Variants in ST7L observed in about 807,000 individuals in gnomAD.
ST7L encodes the protein suppressor of tumorigenicity 7 protein-like.
Under a neutral mutation model 72.5 loss-of-function variants are expected in ST7L, and 57 were observed. That is an observed-to-expected ratio of 0.79 (90% CI 0.64 to 0.98). The LOEUF is 0.98. Ranked by LOEUF, ST7L falls within the 50% of genes least tolerant of loss-of-function variation. The pLI, the probability that ST7L is intolerant of heterozygous loss-of-function variation, is 0.00. For synonymous variants in ST7L, 221 were observed against 240.9 expected (o/e 0.92, Z 0.77); for missense variants, 576 against 672.2 (o/e 0.86, Z 1.58).
intron 14 of ST7L, chr1:112,528,388 G>T (rs969799597): frequency 2.0e-5 from 3 of 152,088 alleles, no homozygotes; most frequent in Non-Finnish European, 4.4e-5. Flanking sequence ...ACTGTCAAAT[G>T]GTTCAGCATC....
At chr1:112,540,262 A>G in intron 14 of ST7L, 1 of 985,272 alleles carries the variant, frequency 1.0e-6, no homozygotes. Context: ...CATCTCTCCC[A>G]TTGCTTGCCT....
At chr1:112,592,001 A>G (rs1665789127) in intron 5 of ST7L, among the ~76,000 whole-genome samples, 2 of 152,112 alleles carry the variant, frequency 1.3e-5, no homozygotes, top group East Asian at 1.9e-4. Flanking sequence ...AAAAATAAAA[A>G]TATACAAAAA....
At chr1:112,599,041 CAG>C (rs1169888841) in intron 4 of ST7L, among the ~76,000 whole-genome samples, 3 of 106,560 alleles carry the variant, frequency 2.8e-5, no homozygotes, top group African/African-American at 7.3e-5. Flanking sequence ...GCCTGGATGA[CAG>C]AGAGAGACTC....
intron 4 of ST7L, among the ~76,000 whole-genome samples, chr1:112,599,103 T>C (rs1388596213): frequency 2.5e-4 from 20 of 81,298 alleles, no homozygotes; most frequent in Non-Finnish European, 2.6e-4. Context: ...TATATATATA[T>C]ATATATATGT....
chr1:112,617,906 C>A, intron 1 of ST7L: 2 of 1,002,386 alleles, frequency 2.0e-6, no homozygotes. Flanking sequence ...ACAGAGATGC[C>A]AAATTAGCTC....
intron 12 of ST7L, among the ~76,000 whole-genome samples, chr1:112,555,039 G>T (rs1308995560): frequency 6.6e-6 from 1 of 152,116 alleles, no homozygotes; most frequent in Non-Finnish European, 1.5e-5. Context: ...TAATGAAAAA[G>T]TTCTGTAGAT....
chr1:112,616,975 G>T, intron 1 of ST7L, 80 bp from the exon 2 acceptor site: 3 of 935,986 alleles, frequency 3.2e-6, no homozygotes, highest in Non-Finnish European at 5.0e-6. Context: ...GTATCTTTAT[G>T]AGTGGTGGGA....
chr1:112,521,278 T>A (rs146289905), downstream of ST7L: 21 of 151,798 alleles, frequency 1.4e-4, no homozygotes, highest in African/African-American at 5.1e-4. Context: ...TAGGATAGAT[T>A]AATGTAGTAA....
chr1:112,538,264 G>A (rs1295237737), intron 14 of ST7L, among the ~76,000 whole-genome samples: 2 of 152,168 alleles, frequency 1.3e-5, no homozygotes, highest in African/African-American at 4.8e-5. Flanking sequence ...TGTTCTACAA[G>A]GTAGTTTGCC....
intron 11 of ST7L, among the ~76,000 whole-genome samples, chr1:112,558,840 C>A (rs756118789): frequency 6.6e-6 from 1 of 152,104 alleles, no homozygotes; most frequent in African/African-American, 2.4e-5. Flanking sequence ...AAAGATCACT[C>A]GCACCAGGCG....
chr1:112,557,049 TATTA>T (rs2101618930), intron 11 of ST7L, among the ~76,000 whole-genome samples: 1 of 142,256 alleles, frequency 7.0e-6, no homozygotes, highest in South Asian at 2.3e-4. Context: ...CAGATAGAGG[TATTA>T]ATTTTTTTAA....
At chr1:112,613,331 C>T (rs569950792) in intron 2 of ST7L, among the ~76,000 whole-genome samples, 1 of 152,256 alleles carries the variant, frequency 6.6e-6, no homozygotes, top group South Asian at 2.1e-4. Context: ...TATGCCAATC[C>T]TTGACATGCA....
Position 112,619,050 on chromosome 1 carries a change from C to T in ST7L, c.64G>A (p.Gly22Ser). 6.2e-7 allele frequency: 1 copy of T among 1,613,972 alleles called. No homozygotes were observed. The highest frequency in any genetic ancestry group is 8.5e-7 in the Non-Finnish European group (1 of 1,179,996). ...CTCCAGCCTAGCGTCGGGTTTAGGC[C>T]AGGGACAGATGCAGGAGACGCTCCA... Reference protein sequence around the residue: ...AVGASPASVPGLNPTLGWRER... With the variant: ...AVGASPASVPSLNPTLGWRER... The change falls in exon 1 of 15, where the codon GGC (glycine) becomes AGC (serine). Residue 22 changes from glycine to serine, a missense_variant. By Grantham distance (56) the Gly-to-Ser change is moderately conservative (BLOSUM62 0). Around this residue, in one of 3 missense-constraint regions of ST7L, gnomAD observed 56 missense variants for 45.8 expected, o/e 1.22. Coordinates refer to ENST00000358039, the MANE Select transcript of ST7L (RefSeq NM_017744.5).
intron 6 of ST7L, among the ~76,000 whole-genome samples, chr1:112,587,823 T>C (rs912660915): frequency 6.6e-6 from 1 of 152,232 alleles, no homozygotes; most frequent in African/African-American, 2.4e-5. Context: ...GTATGAATTA[T>C]AGGATCGCCT....
intron 2 of ST7L, among the ~76,000 whole-genome samples, chr1:112,612,259 A>G (rs922349090): frequency 1.3e-5 from 2 of 151,976 alleles, no homozygotes; most frequent in African/African-American, 4.8e-5. Context: ...CACCATGCCC[A>G]GCTAATTTTT....
chr1:112,611,913 T>C (rs1669113717), intron 2 of ST7L, among the ~76,000 whole-genome samples: 1 of 135,642 alleles, frequency 7.4e-6, no homozygotes, highest in African/African-American at 2.8e-5. Context: ...AAGGCTGCAG[T>C]GAGCTGAGAT....
chr1:112,618,804 C>T, intron 1 of ST7L, 105 bp downstream of exon 1: 2 of 1,477,176 alleles, frequency 1.4e-6, no homozygotes, highest in Non-Finnish European at 1.8e-6. Context: ...ATCATCGACT[C>T]CTCAGAGGCC....
At chr1:112,571,919 C>CA in intron 11 of ST7L, among the ~76,000 whole-genome samples, 1 of 152,322 alleles carries the variant, frequency 6.6e-6, no homozygotes, top group South Asian at 2.1e-4. Flanking sequence ...CCAGAGGAAT[C>CA]ACTATATATG....
chr1:112,554,776 T>C (rs903617260), intron 12 of ST7L, among the ~76,000 whole-genome samples: 2 of 152,224 alleles, frequency 1.3e-5, no homozygotes, highest in African/African-American at 4.8e-5. Context: ...AAATGTGATA[T>C]ATACATACAA....
Sources: allele counts gnomAD v4.1 joint callset (sites outside exome capture counted in the v4.1 genomes callset), GRCh38; gene constraint gnomAD v4.1.1; regional missense constraint gnomAD v4.1.1; transcripts MANE v1.5; gene names NCBI Gene and HGNC (gene_info 2026-07-23, HGNC 2026-07-21).